The following ATRNL1 variants were observed in gnomAD, a reference collection of about 807,000 sequenced individuals.
ATRNL1 encodes attractin like 1, also known as attractin-like protein 1.
ATRNL1 carries 95 observed loss-of-function variants against 182.7 expected under a neutral mutation model. The observed-to-expected ratio is 0.52, with a 90% CI of 0.44 to 0.62. ATRNL1 has a LOEUF of 0.62. Ranked by LOEUF, ATRNL1 falls within the 20% of genes least tolerant of loss-of-function variation. ATRNL1 has a pLI of 0.00. For synonymous variants in ATRNL1, 576 were observed against 568.3 expected (o/e 1.01, Z -0.19); for missense variants, 1,471 against 1,679.5 (o/e 0.88, Z 2.17).
At chr10:115,147,167 T>A (rs1554879583) in intron 5 of ATRNL1, among the ~76,000 whole-genome samples, 1 of 152,106 alleles carries the variant, frequency 6.6e-6, no homozygotes, top group African/African-American at 2.4e-5. Flanking sequence ...TAATAACCAT[T>A]TTAACTAAGA....
intron 24 of ATRNL1, among the ~76,000 whole-genome samples, chr10:115,489,555 C>G (rs113218113): frequency 4.3e-4 from 66 of 152,048 alleles, no homozygotes; most frequent in African/African-American, 1.6e-3. Flanking sequence ...AACCTCTGCC[C>G]CTTTTTTGCT....
chr10:115,920,082 T>C (rs1290632383), intron 28 of ATRNL1, among the ~76,000 whole-genome samples: 2 of 152,208 alleles, frequency 1.3e-5, no homozygotes, highest in African/African-American at 4.8e-5. Flanking sequence ...TGTACCCCAG[T>C]ATCCTCTTCT....
intron 27 of ATRNL1, among the ~76,000 whole-genome samples, chr10:115,830,665 G>A (rs1164484854): frequency 1.3e-5 from 2 of 152,182 alleles, no homozygotes; most frequent in African/African-American, 4.8e-5. Flanking sequence ...GTGCAGAGGT[G>A]TGAGTGTTTT....
At chr10:115,767,465 C>T (rs1432209818) in intron 27 of ATRNL1, among the ~76,000 whole-genome samples, 1 of 152,126 alleles carries the variant, frequency 6.6e-6, no homozygotes, top group Non-Finnish European at 1.5e-5. Flanking sequence ...AGACTACCTC[C>T]TTCTTCAGGT....
chr10:115,897,287 A>G (rs533183991), intron 28 of ATRNL1, among the ~76,000 whole-genome samples: 1 of 152,158 alleles, frequency 6.6e-6, no homozygotes, highest in African/African-American at 2.4e-5. Flanking sequence ...TCATAATATC[A>G]TCTGTTGGCA....
intron 26 of ATRNL1, among the ~76,000 whole-genome samples, chr10:115,700,733 G>A (rs971334717): frequency 1.3e-5 from 2 of 152,040 alleles, no homozygotes; most frequent in Non-Finnish European, 2.9e-5. Context: ...TTGATAAAGA[G>A]TTCAATTCAA....
intron 27 of ATRNL1, among the ~76,000 whole-genome samples, chr10:115,771,521 C>T (rs1039386603): frequency 6.6e-5 from 10 of 152,178 alleles, no homozygotes; most frequent in Admixed American, 3.9e-4. Context: ...TGAGCCACCG[C>T]GCCCGGCCAG....
chr10:115,603,804 G>A (rs1447751941), intron 26 of ATRNL1, among the ~76,000 whole-genome samples: 6 of 152,060 alleles, frequency 3.9e-5, no homozygotes, highest in African/African-American at 1.4e-4. Context: ...CCTTACTCCT[G>A]AAAAAGTTTC....
At chr10:115,365,129 G>A (rs1435307868) in intron 19 of ATRNL1, among the ~76,000 whole-genome samples, 3 of 151,556 alleles carry the variant, frequency 2.0e-5, no homozygotes, top group African/African-American at 7.3e-5. Flanking sequence ...GGTAGAATTC[G>A]GCTGTGAATC....
intron 21 of ATRNL1, among the ~76,000 whole-genome samples, chr10:115,442,361 CT>C (rs1207246217): frequency 1.4e-5 from 2 of 147,590 alleles, no homozygotes; most frequent in Admixed American, 1.4e-4. Context: ...CAATCAGGAA[CT>C]TTTTCACTGA....
intron 18 of ATRNL1, among the ~76,000 whole-genome samples, chr10:115,329,426 G>A (rs1271841201): frequency 6.6e-6 from 1 of 152,050 alleles, no homozygotes; most frequent in Non-Finnish European, 1.5e-5. Context: ...TATGTTCAGT[G>A]TTTCCCCATA....
intron 26 of ATRNL1, among the ~76,000 whole-genome samples, chr10:115,637,060 T>A (rs1196254597): frequency 6.6e-6 from 1 of 152,202 alleles, no homozygotes; most frequent in Non-Finnish European, 1.5e-5. Flanking sequence ...AAGAAGCTCC[T>A]TAAAAAGTTT....
intron 26 of ATRNL1, among the ~76,000 whole-genome samples, chr10:115,648,008 A>C (rs1337130094): frequency 1.3e-5 from 2 of 152,128 alleles, no homozygotes; most frequent in Non-Finnish European, 2.9e-5. Flanking sequence ...TCAGCTCTCT[A>C]CATATGGCTA....
At chr10:115,100,802 G>T (rs1843740388) in intron 1 of ATRNL1, among the ~76,000 whole-genome samples, 1 of 152,114 alleles carries the variant, frequency 6.6e-6, no homozygotes, top group South Asian at 2.1e-4. Context: ...TTGTAATTAT[G>T]TTGAGTCTAT....
intron 20 of ATRNL1, among the ~76,000 whole-genome samples, chr10:115,407,360 C>T (rs1021655733): frequency 4.0e-5 from 6 of 151,822 alleles, no homozygotes; most frequent in Non-Finnish European, 8.8e-5. Flanking sequence ...TATGCTTTAA[C>T]AAATCTCTCC....
Position 115,746,444 on chromosome 10 carries a change from GCTT to G in ATRNL1, c.3903+19090_3903+19092del, listed in dbSNP as rs529451198. Among the ~76,000 whole-genome samples, 302 of 152,096 alleles carry G rather than the reference GCTT, an allele frequency of 2.0e-3. 2 individuals are homozygous for G. The highest frequency in any genetic ancestry group is 6.9e-3 in the African/African-American group (286 of 41,536). On this transcript the variant is annotated intron_variant, in intron 27 of 28. Transcript: ENST00000355044. ...TCATTATACCTGAATGGGAATAAAA[GCTT>G]ATTAAGTGAGATTGTTTTACTTTAT...
intron 27 of ATRNL1, among the ~76,000 whole-genome samples, chr10:115,776,603 T>C (rs1400391262): frequency 6.6e-6 from 1 of 152,140 alleles, no homozygotes; most frequent in Non-Finnish European, 1.5e-5. Context: ...GTAATATTCA[T>C]TCTTGAAACG....
intron 28 of ATRNL1, among the ~76,000 whole-genome samples, chr10:115,880,214 G>A (rs906202034): frequency 3.9e-5 from 6 of 152,216 alleles, no homozygotes; most frequent in African/African-American, 1.4e-4. Context: ...AAAGCCTGCT[G>A]TCGCAAGGAC....
At chr10:115,678,903 A>G (rs1329541024) in intron 26 of ATRNL1, among the ~76,000 whole-genome samples, 1 of 152,128 alleles carries the variant, frequency 6.6e-6, no homozygotes. Flanking sequence ...GGAACTGATA[A>G]AAGAAAGTAT....
Sources: gnomAD v4.1 joint callset for allele counts (sites outside exome capture counted in the v4.1 genomes callset) on GRCh38, gnomAD v4.1.1 for gene constraint, MANE v1.5 for transcripts, NCBI Gene and HGNC (gene_info 2026-07-23, HGNC 2026-07-21) for gene names.